The following ANXA13 variants were observed in gnomAD, a reference collection of about 807,000 sequenced individuals.
ANXA13 encodes annexin XIII.
A neutral mutation model predicts 46.6 loss-of-function variants in ANXA13; 36 were observed. That is an observed-to-expected ratio of 0.77 (90% CI 0.59 to 1.02). The LOEUF is 1.02. Ranked by LOEUF, ANXA13 falls within the 50% of genes least tolerant of loss-of-function variation. ANXA13 has a pLI of 0.00. For synonymous variants in ANXA13, 163 were observed against 152.9 expected, an observed-to-expected ratio of 1.07 and a Z score of -0.49; for missense variants, 417 against 396.5, an observed-to-expected ratio of 1.05 and a Z score of -0.44.
At chr8:123,698,643 T>C (rs1461684912) in intron 3 of ANXA13, 84 bp from the exon 4 acceptor site, 10 of 1,429,964 alleles carry the variant, frequency 7.0e-6, no homozygotes, top group Non-Finnish European at 9.7e-6. Context: ...CAAGTGCTCA[T>C]AGTTGACAAG....
Position 123,737,353 on chromosome 8 carries a change from G to T in ANXA13, c.-19C>A, listed in dbSNP as rs750233395. The T allele has an allele frequency of 6.2e-7, 1 of 1,609,552 alleles. No individual in the cohort carries two copies. Among genetic ancestry groups the T allele is most frequent in the South Asian group, 1.1e-5 (1 of 90,706 alleles). On this transcript the variant is annotated 5_prime_UTR_variant, in exon 1 of 11. Transcript: ENST00000419625. ...TGCCCATTTTCCTTTTTCTGAGATG[G>T]TTTTTCTGTATTTCATCAAGAGATC...
chr8:123,702,815 G>A, intron 2 of ANXA13, 79 bp from the exon 3 acceptor site: 1 of 1,311,404 alleles, frequency 7.6e-7, no homozygotes, highest in Non-Finnish European at 1.1e-6. Context: ...GGGTGAGGAA[G>A]CCAGGACTCA....
chr8:123,732,479 T>C (rs1452798761), intron 1 of ANXA13, among the ~76,000 whole-genome samples: 2 of 152,206 alleles, frequency 1.3e-5, no homozygotes, highest in Admixed American at 6.5e-5. Context: ...TTGGTTCCTG[T>C]TGCTGTGGCT....
chr8:123,735,674 A>T, intron 1 of ANXA13: 1 of 1,445,982 alleles, frequency 6.9e-7, no homozygotes. Context: ...GTCCAACATG[A>T]CAGATCACTG....
At chr8:123,717,966 C>T (rs1329259328) in intron 1 of ANXA13, among the ~76,000 whole-genome samples, 2 of 152,216 alleles carry the variant, frequency 1.3e-5, no homozygotes. Context: ...GGGCTCACGC[C>T]CAGACTCGCA....
At chr8:123,681,584 A>C (rs1813038465) in intron 10 of ANXA13, among the ~76,000 whole-genome samples, 1 of 150,096 alleles carries the variant, frequency 6.7e-6, no homozygotes, top group East Asian at 1.9e-4. Context: ...AGAGGTGTCC[A>C]CGTGTGTGTG....
Position 123,688,898 on chromosome 8 carries a change from C to A in ANXA13, c.691G>T (p.Asp231Tyr). Residue 231 changes from aspartate (D) to tyrosine (Y), a missense_variant, in exon 9 of 11, where the codon GAC (aspartate) becomes TAC (tyrosine). Coordinates refer to ENST00000419625, the MANE Select transcript of ANXA13 (RefSeq NM_004306.4). ...EEAIEEETSGDLQKAYLTLVR... is the reference protein window; with the variant it reads ...EEAIEEETSGYLQKAYLTLVR... The stretch of plus-strand genomic sequence containing the variant: ...AGAGTTAAATAGGCCTTCTGCAAGT[C>A]GCCTGATGTTTCTTCTTCAATGGCT... The A allele has an allele frequency of 6.2e-7, 1 of 1,613,882 alleles. No individual in the cohort carries two copies. Among genetic ancestry groups the A allele is most frequent in the Non-Finnish European group, 8.5e-7 (1 of 1,179,874 alleles).
intron 6 of ANXA13, 24 bp from the exon 7 acceptor site, chr8:123,693,803 T>C (rs1761228025): frequency 6.3e-7 from 1 of 1,596,928 alleles, no homozygotes; most frequent in South Asian, 1.1e-5. Context: ...CACATTGTTA[T>C]TAACTTGCAT....
At chr8:123,722,540 T>C (rs1813903910) in intron 1 of ANXA13, among the ~76,000 whole-genome samples, 1 of 151,968 alleles carries the variant, frequency 6.6e-6, no homozygotes, top group Non-Finnish European at 1.5e-5. Context: ...AAATAGAAAG[T>C]AAAATGAAAA....
intron 1 of ANXA13, among the ~76,000 whole-genome samples, chr8:123,722,862 C>G (rs1813910801): frequency 6.6e-6 from 1 of 152,104 alleles, no homozygotes; most frequent in Admixed American, 6.5e-5. Flanking sequence ...CCTTCTCCTT[C>G]CCTCCTCATT....
intron 2 of ANXA13, among the ~76,000 whole-genome samples, chr8:123,707,109 A>C (rs576700438): frequency 6.6e-6 from 1 of 152,338 alleles, no homozygotes; most frequent in East Asian, 1.9e-4. Flanking sequence ...TGGTATTCCC[A>C]CAGAAGGCTG....
At chr8:123,704,642 C>T (rs1469190337) in intron 2 of ANXA13, among the ~76,000 whole-genome samples, 4 of 152,176 alleles carry the variant, frequency 2.6e-5, no homozygotes, top group Non-Finnish European at 5.9e-5. Context: ...GGTGATCCAC[C>T]TGCCTCAGCC....
intron 1 of ANXA13, chr8:123,735,886 TAA>T: frequency 2.6e-6 from 4 of 1,553,452 alleles, no homozygotes; most frequent in South Asian, 1.2e-5. Context: ...CTCTGAGGAT[TAA>T]AAAAAAATAC....
chr8:123,716,947 C>G (rs1188076712), intron 1 of ANXA13, among the ~76,000 whole-genome samples: 1 of 152,160 alleles, frequency 6.6e-6, no homozygotes, highest in Non-Finnish European at 1.5e-5. Context: ...GCTTGTGAGG[C>G]TTTAGGAGAC....
intron 10 of ANXA13, 132 bp downstream of exon 10, chr8:123,684,478 G>A: frequency 4.8e-6 from 3 of 628,788 alleles, no homozygotes; most frequent in South Asian, 3.9e-5. Context: ...TGCAAATTCT[G>A]GGAAGGCAAG....
chr8:123,693,386 A>G, intron 7 of ANXA13, 88 bp from the exon 8 acceptor site: 1 of 1,150,486 alleles, frequency 8.7e-7, no homozygotes, highest in Non-Finnish European at 1.3e-6. Context: ...CTGACAGGAA[A>G]TTATAAACTA....
Position 123,681,283 on chromosome 8 carries a change from G to A in ANXA13, c.908C>T (p.Thr303Ile). The change falls in exon 11 of 11, where the codon ACC (threonine) becomes ATC (isoleucine). Residue 303 changes from threonine (T) to isoleucine (I), a missense_variant. Transcript: ENST00000419625. Reference protein sequence around the residue: ...KSLSDMVRSDTSGDFRKLLVA... With the variant: ...KSLSDMVRSDISGDFRKLLVA... Reference sequence around the variant, plus strand: ...TAGCAGTTTCCGGAAGTCCCCGGAGGTATCTGAGCGAACCATGTCAGAGAG... The same window carrying A: ...TAGCAGTTTCCGGAAGTCCCCGGAGATATCTGAGCGAACCATGTCAGAGAG... 6.2e-7 allele frequency: 1 copy of A among 1,614,198 alleles called. No individual in the cohort carries two copies.
At chr8:123,694,995 G>T (rs1813304387) in intron 6 of ANXA13, among the ~76,000 whole-genome samples, 3 of 152,052 alleles carry the variant, frequency 2.0e-5, no homozygotes, top group Admixed American at 2.0e-4. Flanking sequence ...GGTCTCGGGG[G>T]GCTGTGTCCC....
At chr8:123,706,004 C>T (rs1813532967) in intron 2 of ANXA13, among the ~76,000 whole-genome samples, 1 of 152,180 alleles carries the variant, frequency 6.6e-6, no homozygotes, top group African/African-American at 2.4e-5. Context: ...TTGAACCGTT[C>T]ACTTAACCTC....
Sources: gnomAD v4.1 joint callset for allele counts (sites outside exome capture counted in the v4.1 genomes callset) on GRCh38, gnomAD v4.1.1 for gene constraint, MANE v1.5 for transcripts, NCBI Gene and HGNC (gene_info 2026-07-23, HGNC 2026-07-21) for gene names.